TRIO: variants seen among roughly 807,000 people sequenced by gnomAD.
TRIO encodes the protein trio Rho guanine nucleotide exchange factor.
Under a neutral mutation model 351.9 loss-of-function variants are expected in TRIO, and 58 were observed. The ratio of observed to expected loss-of-function variants is 0.16; its 90% CI spans 0.13 to 0.21. The LOEUF (loss-of-function observed/expected upper bound fraction) is 0.21. Ranked by LOEUF, TRIO falls within the 10% of genes least tolerant of loss-of-function variation. TRIO has a pLI of 1.00. For missense variants in TRIO, 3,201 were observed against 4,027.8 expected (o/e 0.79, Z 5.56); for synonymous variants, 1,758 against 1,595.7 (o/e 1.10, Z -2.42).
rs1743909416 is a variant in TRIO, at chr5:14,359,263, G to C, written c.2217-94G>C. 5.4e-6 allele frequency: 8 copies of C among 1,475,360 alleles called. No individual in the cohort carries two copies. In the South Asian group the frequency reaches 1.0e-4, roughly 19 times the overall value. The allele number at this position is 1,475,360 out of a possible 1,614,324, so 91.4% of individuals were successfully genotyped here. A position where few individuals can be genotyped will look rare whatever the true frequency, so the allele number is the denominator to read the frequency against. On this transcript the variant is annotated intron_variant, in intron 12 of 56. Transcript: ENST00000344204. ...AGACAAGCAGTGCAGCTTCCTGCCA[G>C]CTTTCTTCCCCTGAAGATTTGCGTG... is the stretch of plus-strand genomic sequence containing the variant.
intron 6 of TRIO, among the ~76,000 whole-genome samples, chr5:14,294,467 AC>A (rs1737173813): frequency 6.6e-6 from 1 of 152,218 alleles, no homozygotes; most frequent in Non-Finnish European, 1.5e-5. Context: ...ATTTTCTGAA[AC>A]TTTTGGCAAG....
At chr5:14,247,066 C>T (rs1359483548) in intron 1 of TRIO, among the ~76,000 whole-genome samples, 1 of 152,246 alleles carries the variant, frequency 6.6e-6, no homozygotes, top group Non-Finnish European at 1.5e-5. Flanking sequence ...CTGTCCACCC[C>T]CCACCTCCCC....
chr5:14,498,863 G>A (rs951435238), intron 53 of TRIO: 6 of 522,760 alleles, frequency 1.1e-5, no homozygotes, highest in East Asian at 3.8e-5. Flanking sequence ...GGGAGACACC[G>A]GAGCTCCTGT....
chr5:14,158,385 A>G (rs1238932400), intron 1 of TRIO, among the ~76,000 whole-genome samples: 2 of 151,950 alleles, frequency 1.3e-5, no homozygotes, highest in Non-Finnish European at 2.9e-5. Context: ...AGATCACGCC[A>G]CTGCACTACA....
At chr5:14,413,515 TG>T (rs1749372525) in intron 33 of TRIO, among the ~76,000 whole-genome samples, 1 of 152,258 alleles carries the variant, frequency 6.6e-6, no homozygotes, top group Non-Finnish European at 1.5e-5. Context: ...CTCTGAGTGA[TG>T]GGTTCCGTGT....
rs531677392 is a variant in TRIO at position 14,275,144 on chromosome 5, A to G, written c.232+4245A>G. ...ATAGATATTTCATTTTACTTTTTCA[A>G]TTATATATTTGTGGATATCTGTTTC... On this transcript the variant is annotated intron_variant, in intron 2 of 56. Transcript: ENST00000344204. Among the ~76,000 whole-genome samples the G allele has an allele frequency of 4.6e-5, 7 of 152,326 alleles. No homozygotes were observed. In the South Asian group the frequency reaches 6.2e-4, roughly 14 times the overall value.
intron 43 of TRIO, among the ~76,000 whole-genome samples, chr5:14,480,729 C>T (rs1182689778): frequency 1.3e-5 from 2 of 152,194 alleles, no homozygotes; most frequent in South Asian, 2.1e-4. Context: ...ACTCTGTGTA[C>T]TGCAGCTTGA....
intron 1 of TRIO, among the ~76,000 whole-genome samples, chr5:14,208,506 G>A (rs750058551): frequency 6.6e-6 from 1 of 152,194 alleles, no homozygotes; most frequent in Non-Finnish European, 1.5e-5. Context: ...GGTATGGGCC[G>A]GTGAGAGGAT....
chr5:14,270,408 C>G (rs771971139), intron 1 of TRIO, among the ~76,000 whole-genome samples: 5 of 152,156 alleles, frequency 3.3e-5, no homozygotes, highest in Non-Finnish European at 7.4e-5. Context: ...TGAGCTCCCC[C>G]TAGAGGTTTT....
chr5:14,363,725 CT>C lies in TRIO; in HGVS notation c.2392-4del. 1 of 1,610,564 alleles carries C rather than the reference CT, an allele frequency of 6.2e-7. No individual in the cohort carries two copies. ...TTTTTGTCTTGATCTTAAATACCTT[CT>C]TTCAGATTATCTCAGACCTCGAGTC... On this transcript the variant is annotated splice_polypyrimidine_tract_variant and splice_region_variant and intron_variant, in intron 13 of 56. Coordinates refer to ENST00000344204, the MANE Select transcript of TRIO (RefSeq NM_007118.4).
intron 48 of TRIO, 30 bp downstream of exon 48, chr5:14,488,290 C>CGCCCCCCT: frequency 6.6e-7 from 1 of 1,524,406 alleles, no homozygotes; most frequent in Non-Finnish European, 8.8e-7. Context: ...CGCGCCCTCC[C>CGCCCCCCT]GCCCCCCTGC....
At chr5:14,502,777 G>C in intron 54 of TRIO, 120 bp downstream of exon 54, 1 of 962,832 alleles carries the variant, frequency 1.0e-6, no homozygotes, top group Non-Finnish European at 1.6e-6. Context: ...TGTGTGTCTT[G>C]CATTTGAATC....
At position 14,297,089 on chromosome 5, in the gene TRIO, A is replaced by G. The variant is rs779569507; in HGVS notation, c.1194A>G (p.Ile398Met). Residue 398 changes from isoleucine to methionine, a missense_variant, in exon 7 of 57, where the codon ATA (isoleucine) becomes ATG (methionine). By Grantham distance (10) the Ile-to-Met change is conservative (BLOSUM62 1). This residue lies in a region of TRIO where 349 missense variants were observed against 449.3 expected (regional missense o/e 0.78). Transcript: ENST00000344204. ...CTTTCCAGAACGTGTATGTAAATATAAACCGCATCATGTCGGTGGCCAATC... is the reference window on the plus strand; with the variant it reads ...CTTTCCAGAACGTGTATGTAAATATGAACCGCATCATGTCGGTGGCCAATC... The part of the protein sequence containing the change: ...AMNCMNVYVN[I>M]NRIMSVANRL... 1 of 1,613,204 alleles carries G rather than the reference A, an allele frequency of 6.2e-7. No homozygotes were observed. The highest frequency in any genetic ancestry group is 8.5e-7 in the Non-Finnish European group (1 of 1,179,238).
intron 1 of TRIO, among the ~76,000 whole-genome samples, chr5:14,213,620 C>A (rs1792045172): frequency 6.6e-6 from 1 of 152,130 alleles, no homozygotes; most frequent in Admixed American, 6.5e-5. Context: ...TTTGGGATGA[C>A]TTGTTAAAGA....
intron 15 of TRIO, among the ~76,000 whole-genome samples, chr5:14,365,447 C>CAGG (rs2152341743): frequency 6.6e-6 from 1 of 152,230 alleles, no homozygotes; most frequent in East Asian, 1.9e-4. Context: ...GGACCATGAG[C>CAGG]AGGAGGTGGT....
chr5:14,372,557 C>T (rs1426131036), intron 18 of TRIO, among the ~76,000 whole-genome samples: 1 of 152,078 alleles, frequency 6.6e-6, no homozygotes, highest in African/African-American at 2.4e-5. Context: ...GAATTATTCC[C>T]TCTCAGCTAT....
Position 14,504,582 on chromosome 5 carries a change from G to A in TRIO, c.8601G>A (p.Leu2867=), listed in dbSNP as rs780300933. ...DTFETPTSYI[L]VLEMADQGRL... ...TTGAGACCCCCACCAGCTACATCCTGGTCTTAGAAATGTGCGTACACACCT... is the reference window on the plus strand; with the variant it reads ...TTGAGACCCCCACCAGCTACATCCTAGTCTTAGAAATGTGCGTACACACCT... The change falls in exon 55 of 57, where the codon CTG becomes CTA. Residue 2867 remains leucine (L), a synonymous_variant. Coordinates refer to ENST00000344204, the MANE Select transcript of TRIO (RefSeq NM_007118.4). 6.2e-7 allele frequency: 1 copy of A among 1,614,078 alleles called. No homozygotes were observed. Among genetic ancestry groups the A allele is most frequent in the Admixed American group, 1.7e-5 (1 of 60,010 alleles).
rs915026331 is a variant in TRIO at position 14,190,807 on chromosome 5, C to T, written c.157+46925C>T. Reference sequence around the variant, plus strand: ...AAGAAGTGAATGGCTGTTATGATCACCTCAGAAGTATCTCAGGACAAATAT... The same window carrying T: ...AAGAAGTGAATGGCTGTTATGATCATCTCAGAAGTATCTCAGGACAAATAT... On this transcript the variant is annotated intron_variant, in intron 1 of 56. Transcript: ENST00000344204. Among the ~76,000 whole-genome samples the T allele has an allele frequency of 1.7e-4, 26 of 152,084 alleles. 1 individual carries two copies. Among genetic ancestry groups the T allele is most frequent in the Non-Finnish European group, 7.3e-5 (5 of 68,028 alleles).
intron 11 of TRIO, 46 bp from the exon 12 acceptor site, chr5:14,358,132 G>T (rs946108754): frequency 6.3e-7 from 1 of 1,579,606 alleles, no homozygotes; most frequent in African/African-American, 1.3e-5. Context: ...CCCACCTGGT[G>T]GTGCAGCCAG....
Sources: gnomAD v4.1 joint callset for allele counts (sites outside exome capture counted in the v4.1 genomes callset) on GRCh38, gnomAD v4.1.1 for gene constraint, gnomAD v4.1.1 regional missense constraint, MANE v1.5 for transcripts, NCBI Gene and HGNC (gene_info 2026-07-23, HGNC 2026-07-21) for gene names.